Variants in MEGF9 observed in about 807,000 individuals in gnomAD.
MEGF9 encodes the protein multiple epidermal growth factor-like domains protein 9.
In MEGF9, 6 loss-of-function variants were observed where a neutral mutation model predicts 46.8. The observed-to-expected ratio is 0.13, with a 90% confidence interval of 0.07 to 0.25. MEGF9 has a LOEUF of 0.25. MEGF9 is among the 10% of genes least tolerant of loss of function. The probability of loss-of-function intolerance (pLI) is 1.00; values close to 1 mark genes in which losing one functional copy is unlikely to be tolerated. For missense variants in MEGF9, 683 were observed against 792.4 expected (o/e 0.86, Z 1.66); for synonymous variants, 302 against 330.7 (o/e 0.91, Z 0.94).
intron 1 of MEGF9, among the ~76,000 whole-genome samples, chr9:120,677,131 G>A (rs2043776617): frequency 6.6e-6 from 1 of 150,992 alleles, no homozygotes; most frequent in Non-Finnish European, 1.5e-5. Context: ...GTGTGAGTGT[G>A]TGTGTGTGTG....
intron 1 of MEGF9, among the ~76,000 whole-genome samples, chr9:120,676,926 C>T (rs1437455522): frequency 6.6e-6 from 1 of 152,054 alleles, no homozygotes; most frequent in Non-Finnish European, 1.5e-5. Flanking sequence ...AAGTGCTTGC[C>T]CAAGACCAGA....
intron 1 of MEGF9, among the ~76,000 whole-genome samples, chr9:120,667,571 A>G (rs891571694): frequency 1.3e-5 from 2 of 152,318 alleles, no homozygotes; most frequent in South Asian, 4.2e-4. Context: ...TATCTAATCT[A>G]TCCAACAAAG....
intron 1 of MEGF9, chr9:120,690,048 C>T (rs2132337618): frequency 2.0e-6 from 1 of 489,408 alleles, no homozygotes; most frequent in Admixed American, 2.3e-5. Flanking sequence ...GGTCTGCCCA[C>T]TCAGATATTT....
At chr9:120,694,712 A>G (rs1276758028) in intron 1 of MEGF9, among the ~76,000 whole-genome samples, 1 of 152,210 alleles carries the variant, frequency 6.6e-6, no homozygotes, top group Admixed American at 6.5e-5. Flanking sequence ...CAGGTATGGT[A>G]GGTACTTCAG....
chr9:120,652,302 A>G (rs1370223472), intron 2 of MEGF9, among the ~76,000 whole-genome samples: 1 of 150,854 alleles, frequency 6.6e-6, no homozygotes, highest in Non-Finnish European at 1.5e-5. Context: ...CCTGGGCAAC[A>G]TGGTAAAACC....
intron 1 of MEGF9, among the ~76,000 whole-genome samples, chr9:120,667,543 T>G (rs1425253974): frequency 6.6e-6 from 1 of 152,206 alleles, no homozygotes; most frequent in African/African-American, 2.4e-5. Context: ...AAAATGCATG[T>G]AAATATAACT....
intron 1 of MEGF9, among the ~76,000 whole-genome samples, chr9:120,673,966 T>C (rs1006445638): frequency 2.4e-5 from 2 of 83,462 alleles, no homozygotes; most frequent in African/African-American, 7.8e-5. Flanking sequence ...TGAGACTCCG[T>C]CTCAAAAAAA....
At chr9:120,655,429 C>A (rs1361304998) in intron 2 of MEGF9, among the ~76,000 whole-genome samples, 1 of 152,122 alleles carries the variant, frequency 6.6e-6, no homozygotes, top group Non-Finnish European at 1.5e-5. Flanking sequence ...CAGGCTATAC[C>A]ATCTAGGTTT....
intron 2 of MEGF9, among the ~76,000 whole-genome samples, chr9:120,623,847 C>T (rs192664678): frequency 5.9e-5 from 9 of 152,176 alleles, no homozygotes; most frequent in Admixed American, 2.6e-4. Flanking sequence ...TGGCTTACAA[C>T]ACTTCATCAG....
chr9:120,714,001 G>A lies in MEGF9; in HGVS notation c.358C>T (p.Leu120Phe). The change falls in exon 1 of 6, where the codon CTC becomes TTC. Residue 120 changes from leucine (L) to phenylalanine (F), a missense_variant. By Grantham distance (22) the Leu-to-Phe change is conservative. Coordinates refer to ENST00000373930, the MANE Select transcript of MEGF9 (RefSeq NM_001080497.3). Reference protein sequence around the residue: ...GPSSTTFQAPLGPSPTTPPAA... With the variant: ...GPSSTTFQAPFGPSPTTPPAA... ...GGAGGGGTGGTCGGCGAGGGGCCGAGCGGCGCCTGAAAGGTGGTGGAAGAG... is the reference window on the plus strand; with the variant it reads ...GGAGGGGTGGTCGGCGAGGGGCCGAACGGCGCCTGAAAGGTGGTGGAAGAG... 7.2e-7 allele frequency: 1 copy of A among 1,386,840 alleles called. No homozygotes were observed. 85.9% of individuals were successfully genotyped at this position (1,386,840 alleles called of 1,614,324 possible). A position where few individuals can be genotyped will look rare whatever the true frequency, so the allele number is the denominator to read the frequency against.
intron 1 of MEGF9, among the ~76,000 whole-genome samples, chr9:120,668,689 A>G (rs1415097231): frequency 1.3e-5 from 2 of 152,244 alleles, no homozygotes; most frequent in Non-Finnish European, 2.9e-5. Context: ...AACAATGATG[A>G]TATTACCAGC....
At chr9:120,653,378 AT>A (rs1004126538) in intron 2 of MEGF9, among the ~76,000 whole-genome samples, 2,903 of 149,208 alleles carry the variant, frequency 0.019, 106 homozygotes, top group African/African-American at 0.068. Flanking sequence ...TATTTTATTT[AT>A]TTTTTTTTTT....
chr9:120,695,350 A>C (rs1046549384), intron 1 of MEGF9, among the ~76,000 whole-genome samples: 1 of 152,106 alleles, frequency 6.6e-6, no homozygotes, highest in Non-Finnish European at 1.5e-5. Context: ...TCACGCCTGT[A>C]ATCCCAACAC....
At chr9:120,681,159 C>G (rs764298896) in intron 1 of MEGF9, among the ~76,000 whole-genome samples, 1 of 151,588 alleles carries the variant, frequency 6.6e-6, no homozygotes, top group Non-Finnish European at 1.5e-5. Context: ...GAAGCCAGCA[C>G]ATCTCAGAGC....
intron 1 of MEGF9, among the ~76,000 whole-genome samples, chr9:120,686,175 C>T (rs943810039): frequency 3.0e-4 from 46 of 151,492 alleles, no homozygotes; most frequent in African/African-American, 1.0e-3. Context: ...CTGCAAGCTC[C>T]GCCTCCCAGG....
chr9:120,641,849 A>T (rs1162588670), intron 2 of MEGF9, among the ~76,000 whole-genome samples: 1 of 152,194 alleles, frequency 6.6e-6, no homozygotes. Flanking sequence ...ACCTAAGAAG[A>T]GGGTACTTAA....
intron 4 of MEGF9, 56 bp from the exon 5 acceptor site, chr9:120,608,066 G>A (rs2043427503): frequency 2.5e-6 from 4 of 1,581,254 alleles, no homozygotes; most frequent in South Asian, 1.1e-5. Context: ...AATTAAAAAT[G>A]CAAAACAACT....
chr9:120,670,178 C>T (rs2043742303), intron 1 of MEGF9, among the ~76,000 whole-genome samples: 1 of 152,202 alleles, frequency 6.6e-6, no homozygotes, highest in African/African-American at 2.4e-5. Context: ...CTCACTGCAA[C>T]CTCCGCTTCC....
At chr9:120,637,998 C>T (rs761771756) in intron 2 of MEGF9, among the ~76,000 whole-genome samples, 2 of 151,488 alleles carry the variant, frequency 1.3e-5, no homozygotes, top group African/African-American at 2.4e-5. Flanking sequence ...TTTTTTTTAA[C>T]CTTTTTCTTT....
Sources: gnomAD v4.1 joint callset for allele counts (sites outside exome capture counted in the v4.1 genomes callset) on GRCh38, gnomAD v4.1.1 for gene constraint, MANE v1.5 for transcripts, NCBI Gene and HGNC (gene_info 2026-07-23, HGNC 2026-07-21) for gene names.